GLRA1: variants seen among roughly 807,000 people sequenced by gnomAD.
GLRA1 encodes glycine receptor subunit alpha-1.
GLRA1 carries 37 observed loss-of-function variants against 48.3 expected under a neutral mutation model. That is an observed-to-expected ratio of 0.77 (90% CI 0.59 to 1.01). The LOEUF (loss-of-function observed/expected upper bound fraction) is 1.01, where lower values mean the gene tolerates loss of function less well. Among genes scored for constraint, GLRA1 ranks in the 50% least tolerant of loss-of-function variants. The probability of loss-of-function intolerance (pLI) is 0.00; values close to 1 mark genes in which losing one functional copy is unlikely to be tolerated. For missense variants in GLRA1, 427 were observed against 571.0 expected (o/e 0.75, Z 2.57); for synonymous variants, 196 against 210.7 (o/e 0.93, Z 0.60).
At chr5:151,878,979 C>T (rs1307197202) in intron 3 of GLRA1, among the ~76,000 whole-genome samples, 1 of 152,226 alleles carries the variant, frequency 6.6e-6, no homozygotes, top group Non-Finnish European at 1.5e-5. Flanking sequence ...CACCACACTC[C>T]AGACCCCAGA....
chr5:151,827,772 A>C (rs893621499), intron 8 of GLRA1, among the ~76,000 whole-genome samples: 2 of 152,196 alleles, frequency 1.3e-5, no homozygotes, highest in African/African-American at 4.8e-5. Context: ...TGTGACCTGC[A>C]ACACTATGAC....
At chr5:151,850,870 C>A in intron 7 of GLRA1, 1 of 640,290 alleles carries the variant, frequency 1.6e-6, no homozygotes, top group Non-Finnish European at 2.9e-6. Flanking sequence ...TCCCAATTGT[C>A]CCAATTGCAA....
intron 6 of GLRA1, among the ~76,000 whole-genome samples, chr5:151,853,617 C>G (rs1752964744): frequency 6.6e-6 from 1 of 152,048 alleles, no homozygotes; most frequent in Non-Finnish European, 1.5e-5. Context: ...TTGACCCCAT[C>G]AGATTTATGA....
chr5:151,833,465 ATATT>A (rs921433505), intron 7 of GLRA1, among the ~76,000 whole-genome samples: 1 of 151,678 alleles, frequency 6.6e-6, no homozygotes, highest in Non-Finnish European at 1.5e-5. Flanking sequence ...ATATATATAT[ATATT>A]TTTCTTTTGA....
chr5:151,920,233 A>G (rs1754841102), intron 1 of GLRA1, among the ~76,000 whole-genome samples: 1 of 152,174 alleles, frequency 6.6e-6, no homozygotes, highest in African/African-American at 2.4e-5. Context: ...TAGGGGTTGG[A>G]GAGAATGTAG....
At chr5:151,848,741 T>C (rs1425817544) in intron 7 of GLRA1, 5 of 255,622 alleles carry the variant, frequency 2.0e-5, no homozygotes, top group Middle Eastern at 1.2e-3. Flanking sequence ...TAATAAATCT[T>C]AGCTGTGGAG....
intron 8 of GLRA1, among the ~76,000 whole-genome samples, chr5:151,824,302 T>C (rs1227666044): frequency 7.2e-5 from 11 of 151,832 alleles, no homozygotes; most frequent in Non-Finnish European, 1.5e-4. Flanking sequence ...CAGCCCACCA[T>C]TGCAACAGCC....
chr5:151,877,275 T>A (rs1202201393), intron 3 of GLRA1, among the ~76,000 whole-genome samples: 1 of 152,162 alleles, frequency 6.6e-6, no homozygotes, highest in Non-Finnish European at 1.5e-5. Context: ...AGCCCTTACA[T>A]CTGCAGCAGA....
intron 7 of GLRA1, among the ~76,000 whole-genome samples, chr5:151,843,256 A>ATTTT (rs34491994): frequency 3.3e-5 from 4 of 120,774 alleles, no homozygotes; most frequent in Middle Eastern, 4.5e-3. Context: ...CTGCTTCTAA[A>ATTTT]TTTTTTTTTT....
At chr5:151,862,705 T>C (rs1482816759) in intron 3 of GLRA1, among the ~76,000 whole-genome samples, 2 of 152,262 alleles carry the variant, frequency 1.3e-5, no homozygotes, top group East Asian at 1.9e-4. Context: ...AATATGCTGA[T>C]GAGTTGTGTG....
At chr5:151,900,041 A>G (rs988533276) in intron 1 of GLRA1, among the ~76,000 whole-genome samples, 1 of 152,166 alleles carries the variant, frequency 6.6e-6, no homozygotes, top group African/African-American at 2.4e-5. Context: ...CTGGTCCTCT[A>G]GGGATCCCAT....
intron 7 of GLRA1, among the ~76,000 whole-genome samples, chr5:151,834,498 C>A (rs1763515584): frequency 6.6e-6 from 1 of 152,168 alleles, no homozygotes; most frequent in Non-Finnish European, 1.5e-5. Context: ...AAATTTATAG[C>A]ACTAAATGCC....
intron 2 of GLRA1, among the ~76,000 whole-genome samples, chr5:151,887,528 G>A (rs1254557488): frequency 6.6e-6 from 1 of 152,128 alleles, no homozygotes; most frequent in East Asian, 1.9e-4. Flanking sequence ...ACAACTCCAG[G>A]AGAAGGTATG....
At chr5:151,850,420 G>T in intron 7 of GLRA1, 1 of 1,202,156 alleles carries the variant, frequency 8.3e-7, no homozygotes, top group Non-Finnish European at 1.2e-6. Flanking sequence ...AACAGGAAGT[G>T]TTCAGGCTGC....
chr5:151,894,871 C>T (rs904227541), intron 1 of GLRA1, among the ~76,000 whole-genome samples: 1 of 152,166 alleles, frequency 6.6e-6, no homozygotes, highest in Non-Finnish European at 1.5e-5. Flanking sequence ...TCTGGTATTG[C>T]TTTGAAGATT....
intron 6 of GLRA1, 73 bp downstream of exon 6, chr5:151,854,967 A>G: frequency 2.1e-6 from 3 of 1,458,164 alleles, no homozygotes; most frequent in South Asian, 1.1e-5. Flanking sequence ...TGGATCAATG[A>G]TTGAATGTGT....
chr5:151,868,978 C>T (rs1343050933), intron 3 of GLRA1, among the ~76,000 whole-genome samples: 2 of 152,132 alleles, frequency 1.3e-5, no homozygotes, highest in Non-Finnish European at 2.9e-5. Flanking sequence ...TGGTTTGGAC[C>T]AGTGGAGCTT....
At chr5:151,883,569 A>C (rs1386874712) in intron 3 of GLRA1, among the ~76,000 whole-genome samples, 1 of 152,252 alleles carries the variant, frequency 6.6e-6, no homozygotes, top group East Asian at 1.9e-4. Flanking sequence ...AGTGGTTGTA[A>C]GACTACACAC....
chr5:151,924,329 G>C (rs1754953169), intron 1 of GLRA1, among the ~76,000 whole-genome samples, 165 bp downstream of exon 1: 1 of 150,648 alleles, frequency 6.6e-6, no homozygotes, highest in Admixed American at 6.6e-5. Context: ...GGTGGGTGGC[G>C]GGGGGTGGGA....
Sources: gnomAD v4.1 joint callset for allele counts (sites outside exome capture counted in the v4.1 genomes callset) on GRCh38, gnomAD v4.1.1 for gene constraint, MANE v1.5 for transcripts, NCBI Gene and HGNC (gene_info 2026-07-23, HGNC 2026-07-21) for gene names.